The following LAMA5 variants were observed in gnomAD, a reference collection of about 807,000 sequenced individuals.
LAMA5 encodes the protein laminin subunit alpha-5.
In LAMA5, 260 loss-of-function variants were observed where a neutral mutation model predicts 433.4. The ratio of observed to expected loss-of-function variants is 0.60; its 90% CI spans 0.54 to 0.66. The LOEUF is 0.66. Ranked by LOEUF, LAMA5 falls within the 30% of genes least tolerant of loss-of-function variation. The probability of loss-of-function intolerance (pLI) is 0.00; values close to 1 mark genes in which losing one functional copy is unlikely to be tolerated. For missense variants in LAMA5, 5,378 were observed against 5,258.5 expected, an observed-to-expected ratio of 1.02 and a Z score of -0.70; for synonymous variants, 2,620 against 2,226.6, an observed-to-expected ratio of 1.18 and a Z score of -4.97.
chr20:62,350,391 G>A (rs1297654316), intron 6 of LAMA5, among the ~76,000 whole-genome samples: 1 of 152,086 alleles, frequency 6.6e-6, no homozygotes, highest in Non-Finnish European at 1.5e-5. Context: ...TCCGGCTCAG[G>A]TGACTGTGCC....
chr20:62,312,716 A>G lies in LAMA5; in HGVS notation c.9143T>C (p.Val3048Ala), dbSNP rs1986448084. 1.9e-6 allele frequency: 3 copies of G among 1,600,468 alleles called. No homozygotes were observed. The highest frequency in any genetic ancestry group is 1.1e-5 in the South Asian group (1 of 89,418). Residue 3048 changes from valine to alanine, a missense_variant, in exon 67 of 80, where the codon GTG (valine) becomes GCG (alanine). Coordinates refer to ENST00000252999, the MANE Select transcript of LAMA5 (RefSeq NM_005560.6). ...RVLVRVERAT[V>A]YSVEQDNDLE... ...ATCATTGTCCTGCTCCACGCTGTAC[A>G]CCGTGGCCCGCTCCACACGCACCAG...
chr20:62,316,892 T>C lies in LAMA5; in HGVS notation c.7643A>G (p.His2548Arg), dbSNP rs1471272535. 2 of 1,532,782 alleles carry C rather than the reference T, an allele frequency of 1.3e-6. No homozygotes were observed. Among genetic ancestry groups the C allele is most frequent in the Non-Finnish European group, 1.8e-6 (2 of 1,138,668 alleles). 94.9% of individuals were successfully genotyped at this position (1,532,782 alleles called of 1,614,324 possible). ...AAGQALQQAD[H>R]TWATVVRQGL... is the part of the protein sequence containing the mutation. ...AGTGAGGGGCCTCACCGCCCACGTG[T>C]GGTCCGCCTGCTGCAGGGCCTGGCC... Residue 2548 changes from histidine to arginine, a missense_variant, in exon 56 of 80, where the codon CAC (histidine) becomes CGC (arginine). Transcript: ENST00000252999.
chr20:62,314,983 C>T (rs1363592841), intron 59 of LAMA5, 36 bp from the exon 60 acceptor site: 2 of 1,576,396 alleles, frequency 1.3e-6, no homozygotes, highest in Admixed American at 1.7e-5. Flanking sequence ...TTGCCCCCCA[C>T]CGTGCCCGCC....
chr20:62,346,644 C>G, intron 8 of LAMA5, 38 bp downstream of exon 8: 1 of 1,610,356 alleles, frequency 6.2e-7, no homozygotes, highest in Non-Finnish European at 8.5e-7. Flanking sequence ...TGCCCCACCT[C>G]AGGGCCAGCC....
intron 3 of LAMA5, 112 bp downstream of exon 3, chr20:62,353,021 CG>C (rs1984598870): frequency 1.4e-6 from 1 of 724,382 alleles, no homozygotes; most frequent in Non-Finnish European, 2.3e-6. Flanking sequence ...CCGCAGCAGC[CG>C]GGTGTGAGGG....
At chr20:62,344,513 G>A (rs1983061510) in intron 11 of LAMA5, among the ~76,000 whole-genome samples, 2 of 152,074 alleles carry the variant, frequency 1.3e-5, no homozygotes, top group Admixed American at 6.6e-5. Context: ...AGGCTGGAGT[G>A]TGATGGTGGT....
rs374377218 is a variant in LAMA5, at chr20:62,312,548, G to A, written c.9228-16C>T. ...CCGTCGCAGGCTGTGGGGAAGCGGG[G>A]ATGCGGGTCAGGGCGCCACCTCCAA... On this transcript the variant is annotated splice_polypyrimidine_tract_variant and intron_variant, in intron 67 of 79. Coordinates refer to ENST00000252999, the MANE Select transcript of LAMA5 (RefSeq NM_005560.6). 13 of 1,599,592 alleles carry A rather than the reference G, an allele frequency of 8.1e-6. No homozygotes were observed. Among genetic ancestry groups the A allele is most frequent in the Non-Finnish European group, 1.1e-5 (13 of 1,179,296 alleles).
chr20:62,326,682 C>T lies in LAMA5; in HGVS notation c.5293G>A (p.Val1765Met). The change falls in exon 40 of 80, where the codon GTG (valine) becomes ATG (methionine). Residue 1765 changes from valine to methionine, a missense_variant. By Grantham distance (21) the Val-to-Met change is conservative. Coordinates refer to ENST00000252999, the MANE Select transcript of LAMA5 (RefSeq NM_005560.6). ...CCCAAGCCAGCTCCCCTCACCTCCA[C>T]CAGCTGCAGCTGCCCACGGTGAACG... ...GHVHRGQLQL[V>M]EGNFRHTETR... The T allele has an allele frequency of 1.2e-6, 2 of 1,612,086 alleles. No homozygotes were observed. The highest frequency in any genetic ancestry group is 2.2e-5 in the South Asian group (2 of 91,066).
chr20:62,309,122 T>C lies in LAMA5; in HGVS notation c.*214A>G. Reference sequence around the variant, plus strand: ...GGAACCAGTGATGATTGGTGACAAATCTCTCACAATTAAAAATGGGTGGAA... The same window carrying C: ...GGAACCAGTGATGATTGGTGACAAACCTCTCACAATTAAAAATGGGTGGAA... On this transcript the variant is annotated 3_prime_UTR_variant, in exon 80 of 80. Transcript: ENST00000252999. 1.6e-6 allele frequency: 1 copy of C among 614,126 alleles called. No individual in the cohort carries two copies. The highest frequency in any genetic ancestry group is 2.3e-5 in the South Asian group (1 of 42,836). The allele number at this position is 614,126 out of a possible 1,614,324, so 38.0% of individuals were successfully genotyped here. A position where few individuals can be genotyped will look rare whatever the true frequency, so the allele number is the denominator to read the frequency against.
rs1427299054 is a variant in LAMA5 at position 62,318,558 on chromosome 20, C to G, written c.7135G>C (p.Ala2379Pro). Reference sequence around the variant, plus strand: ...GCCTCTCGCAGGTCCATGAGGCCGGCCTCGTGCTGGGCCAGCCGGTCGCGG... The same window carrying G: ...GCCTCTCGCAGGTCCATGAGGCCGGGCTCGTGCTGGGCCAGCCGGTCGCGG... ...QTRDRLAQHE[A>P]GLMDLREALN... The change falls in exon 53 of 80, where the codon GCC becomes CCC. Residue 2379 changes from alanine (A) to proline (P), a missense_variant. Transcript: ENST00000252999. 6.2e-7 allele frequency: 1 copy of G among 1,610,262 alleles called. No individual in the cohort carries two copies. Among genetic ancestry groups the G allele is most frequent in the South Asian group, 1.1e-5 (1 of 91,072 alleles).
In LAMA5 at chr20:62,324,234, G is replaced by C; in HGVS notation, c.5644-30C>G. 4 of 1,577,644 alleles carry C rather than the reference G, an allele frequency of 2.5e-6. No individual in the cohort carries two copies. The highest frequency in any genetic ancestry group is 3.4e-6 in the Non-Finnish European group (4 of 1,171,342). ...GGCAGAGTGGACAGTCAGAGCTATG[G>C]TGGACACCCACATCCTACTGCCGAG... On this transcript the variant is annotated intron_variant, in intron 42 of 79. Coordinates refer to ENST00000252999, the MANE Select transcript of LAMA5 (RefSeq NM_005560.6). The surrounding 1 kb of genome is among the most constrained non-coding windows in gnomAD (Gnocchi z 4.4).
At position 62,309,396 on chromosome 20, in the gene LAMA5, G is replaced by A; in HGVS notation, c.11028C>T (p.Ala3676=). 3 of 1,588,560 alleles carry A rather than the reference G, an allele frequency of 1.9e-6. No homozygotes were observed. The highest frequency in any genetic ancestry group is 1.7e-6 in the Non-Finnish European group (2 of 1,175,818). Residue 3676 remains alanine (A), a synonymous_variant, in exon 80 of 80, where the codon GCC becomes GCT. Coordinates refer to ENST00000252999, the MANE Select transcript of LAMA5 (RefSeq NM_005560.6). ...RRLAVNRSPV[A]MTRSVEVHGA... is the part of the protein sequence containing the mutation. The stretch of plus-strand genomic sequence containing the variant: ...CGTGGACCTCCACAGAGCGAGTCAT[G>A]GCGACGGGGGACCGGTTCACCGCCA...
intron 3 of LAMA5, 127 bp downstream of exon 3, chr20:62,352,998 CTGACAGTCA>C: frequency 3.1e-6 from 2 of 641,098 alleles, no homozygotes; most frequent in East Asian, 5.8e-5. Context: ...GGGTCCTCGT[CTGACAGTCA>C]TGACCGCAGC....
chr20:62,326,232 C>CAA lies in LAMA5; in HGVS notation c.5298+443_5298+444dup, dbSNP rs79555565. 1.2e-3 allele frequency among the ~76,000 whole-genome samples: 79 copies of CAA among 63,724 alleles called. No individual in the cohort carries two copies. In the East Asian group the frequency reaches 0.033, roughly 27 times the overall value. 41.8% of individuals were successfully genotyped at this position (63,724 alleles called of 152,430 possible). On this transcript the variant is annotated intron_variant, in intron 40 of 79. Coordinates refer to ENST00000252999, the MANE Select transcript of LAMA5 (RefSeq NM_005560.6). ...AAGACTGTCTCAAAAAACAAACAAA[C>CAA]AAAAAAAAAAAAACAAAGAAAAACC...
At position 62,311,901 on chromosome 20, in the gene LAMA5, G is replaced by A. The variant is rs1375928318; in HGVS notation, c.9635+19C>T. The A allele has an allele frequency of 1.2e-6, 2 of 1,601,736 alleles. No individual in the cohort carries two copies. The highest frequency in any genetic ancestry group is 2.2e-5 in the South Asian group (2 of 89,354). ...GTCCCTCCAGACCTTCACGATGAGG[G>A]CCCAGCGGCCAGGCTCACCCCGTGG... On this transcript the variant is annotated intron_variant, in intron 70 of 79. Transcript: ENST00000252999.
intron 55 of LAMA5, 52 bp downstream of exon 55, chr20:62,317,293 C>A: frequency 6.6e-7 from 1 of 1,516,426 alleles, no homozygotes; most frequent in South Asian, 1.2e-5. Flanking sequence ...TCCCAAGGCC[C>A]TGTCTGCATC....
At chr20:62,317,302 TC>T (rs1601296246) in intron 55 of LAMA5, 42 bp downstream of exon 55, 3 of 1,539,832 alleles carry the variant, frequency 1.9e-6, no homozygotes, top group East Asian at 2.4e-5. Flanking sequence ...CCTGTCTGCA[TC>T]CCCAGGGTGG....
At chr20:62,317,973 GGAA>G (rs1474310372) in intron 53 of LAMA5, among the ~76,000 whole-genome samples, 195 bp from the exon 54 acceptor site, 1 of 20,500 alleles carries the variant, frequency 4.9e-5, no homozygotes, top group Non-Finnish European at 1.0e-4. Flanking sequence ...AGAAAAGTGG[GGAA>G]GAAGAGAAAG....
Position 62,311,421 on chromosome 20 carries a change from G to A in LAMA5, c.9922C>T (p.Leu3308=). Reference sequence around the variant, plus strand: ...CCCACCTTCCGGGCGGTGGCCTGCAGTCCTCTAGGCCCCAGGCCCGGGGTC... The same window carrying A: ...CCCACCTTCCGGGCGGTGGCCTGCAATCCTCTAGGCCCCAGGCCCGGGGTC... ...AQTPGLGPRG[L]QATARKASRR... Residue 3308 remains leucine, a synonymous_variant, in exon 72 of 80, where the codon CTG becomes TTG. Transcript: ENST00000252999. 1 of 1,581,138 alleles carries A rather than the reference G, an allele frequency of 6.3e-7. No homozygotes were observed. Among genetic ancestry groups the A allele is most frequent in the Non-Finnish European group, 8.6e-7 (1 of 1,162,748 alleles).
Sources: allele counts gnomAD v4.1 joint callset (sites outside exome capture counted in the v4.1 genomes callset), GRCh38; gene constraint gnomAD v4.1.1; non-coding constraint Gnocchi (gnomAD v3.1); transcripts MANE v1.5; gene names NCBI Gene and HGNC (gene_info 2026-07-23, HGNC 2026-07-21).